PALM2AKAP2: variants seen among roughly 807,000 people sequenced by gnomAD.
The protein encoded by PALM2AKAP2 is PALM2 and AKAP2 fusion.
Under a neutral mutation model 71.5 loss-of-function variants are expected in PALM2AKAP2, and 37 were observed. The ratio of observed to expected loss-of-function variants is 0.52; its 90% CI spans 0.40 to 0.68. PALM2AKAP2 has a LOEUF of 0.68. Ranked by LOEUF, PALM2AKAP2 falls within the 30% of genes least tolerant of loss-of-function variation. The probability of loss-of-function intolerance (pLI) is 0.00; values close to 1 mark genes in which losing one functional copy is unlikely to be tolerated. For missense variants in PALM2AKAP2, 1,224 were observed against 1,191.8 expected (o/e 1.03, Z -0.40); for synonymous variants, 468 against 478.8 (o/e 0.98, Z 0.29).
At chr9:109,751,290 C>G (rs1353807375) in intron 1 of PALM2AKAP2, among the ~76,000 whole-genome samples, 1 of 152,166 alleles carries the variant, frequency 6.6e-6, no homozygotes, top group African/African-American at 2.4e-5. Context: ...TGCATTCGTT[C>G]TTGAAACATT....
rs139370927 is a variant in PALM2AKAP2, at chr9:110,013,061, T to A, written c.497-2893T>A. Among the ~76,000 whole-genome samples the A allele has an allele frequency of 3.9e-5, 6 of 152,360 alleles. No individual in the cohort carries two copies. The East Asian group carries it at 1.2e-3, about 29-fold the overall frequency. The stretch of plus-strand genomic sequence containing the variant: ...GCTTTCGTTGTCATGCATATGCAGT[T>A]GGCTGGGGCTTGGCTGATCTAGACC... On this transcript the variant is annotated intron_variant, in intron 6 of 9. Transcript: ENST00000302798.
chr9:109,794,911 A>G (rs991780493), intron 1 of PALM2AKAP2, among the ~76,000 whole-genome samples: 3 of 152,250 alleles, frequency 2.0e-5, no homozygotes, highest in African/African-American at 7.2e-5. Flanking sequence ...TGAAGTGGAC[A>G]GGGTTGTGGA....
At chr9:109,906,740 T>C (rs1246043283) in intron 3 of PALM2AKAP2, among the ~76,000 whole-genome samples, 1 of 152,246 alleles carries the variant, frequency 6.6e-6, no homozygotes, top group Non-Finnish European at 1.5e-5. Context: ...AAATCCGTTC[T>C]TTTCACATCT....
At chr9:110,103,852 A>C (rs531506781) in intron 1 of PALM2AKAP2, among the ~76,000 whole-genome samples, 1 of 152,312 alleles carries the variant, frequency 6.6e-6, no homozygotes, top group South Asian at 2.1e-4. Context: ...AACAGAGAGA[A>C]ATTCTTTGCT....
intron 1 of PALM2AKAP2, among the ~76,000 whole-genome samples, chr9:109,652,190 T>G (rs1018923525): frequency 2.6e-5 from 4 of 152,206 alleles, no homozygotes; most frequent in African/African-American, 9.7e-5. Flanking sequence ...TATAGTATTT[T>G]GATATAGTTT....
At chr9:109,814,928 A>G (rs894821293) in intron 1 of PALM2AKAP2, among the ~76,000 whole-genome samples, 7 of 152,182 alleles carry the variant, frequency 4.6e-5, no homozygotes, top group Non-Finnish European at 7.3e-5. Flanking sequence ...GGAATCTCTC[A>G]GGAAGTGATC....
At chr9:109,853,227 T>C (rs72753053) in intron 1 of PALM2AKAP2, among the ~76,000 whole-genome samples, 13,024 of 152,108 alleles carry the variant, frequency 0.086, 752 homozygotes, top group African/African-American at 0.16. Flanking sequence ...GAACTGCGCG[T>C]GGCACCTGTA....
At chr9:109,899,753 T>C (rs541839365) in intron 3 of PALM2AKAP2, among the ~76,000 whole-genome samples, 4 of 152,356 alleles carry the variant, frequency 2.6e-5, no homozygotes, top group African/African-American at 9.6e-5. Flanking sequence ...TCTTTGGATC[T>C]ACTGTCCCTT....
chr9:109,871,462 A>G (rs528052157), intron 2 of PALM2AKAP2, among the ~76,000 whole-genome samples: 21 of 152,298 alleles, frequency 1.4e-4, no homozygotes, highest in African/African-American at 5.0e-4. Flanking sequence ...CAATTTTTAT[A>G]GCTATATTAT....
chr9:110,148,944 A>G (rs1244348509), intron 2 of PALM2AKAP2, among the ~76,000 whole-genome samples: 1 of 152,202 alleles, frequency 6.6e-6, no homozygotes, highest in African/African-American at 2.4e-5. Context: ...TTGGACAGTC[A>G]GGGATGACAA....
At chr9:109,684,727 A>C (rs1229787303) in intron 1 of PALM2AKAP2, among the ~76,000 whole-genome samples, 6 of 152,232 alleles carry the variant, frequency 3.9e-5, no homozygotes, top group Admixed American at 3.9e-4. Flanking sequence ...ACAGATATAA[A>C]TCATTTTGTC....
chr9:109,681,922 C>A (rs1827742385), intron 1 of PALM2AKAP2, among the ~76,000 whole-genome samples: 1 of 152,150 alleles, frequency 6.6e-6, no homozygotes, highest in Non-Finnish European at 1.5e-5. Context: ...ATTCAGGTGA[C>A]TGGGTTTCTC....
chr9:109,953,785 A>G (rs1247601617), intron 6 of PALM2AKAP2, among the ~76,000 whole-genome samples: 2 of 146,486 alleles, frequency 1.4e-5, no homozygotes, highest in Non-Finnish European at 3.0e-5. Context: ...CAGTGAGCTG[A>G]GATCGCACCA....
chr9:109,794,265 G>GT (rs991564045), intron 1 of PALM2AKAP2, among the ~76,000 whole-genome samples: 3 of 152,024 alleles, frequency 2.0e-5, no homozygotes, highest in Admixed American at 2.0e-4. Context: ...TGTTGTTGTT[G>GT]TTTTTTGAAA....
chr9:109,657,869 C>G (rs1385432099), intron 1 of PALM2AKAP2, among the ~76,000 whole-genome samples: 1 of 150,812 alleles, frequency 6.6e-6, no homozygotes, highest in Non-Finnish European at 1.5e-5. Flanking sequence ...GCATGTCATC[C>G]CTGGGGAGAT....
chr9:110,142,015 A>T (rs1588133664), intron 2 of PALM2AKAP2, among the ~76,000 whole-genome samples: 1 of 150,086 alleles, frequency 6.7e-6, no homozygotes, highest in Non-Finnish European at 1.5e-5. Context: ...AAAAGGATAT[A>T]GTCATTGTTA....
chr9:110,156,813 C>G (rs1836470570), intron 3 of PALM2AKAP2, among the ~76,000 whole-genome samples: 1 of 152,172 alleles, frequency 6.6e-6, no homozygotes, highest in Non-Finnish European at 1.5e-5. Flanking sequence ...GAGAAGGTTG[C>G]AAGTGCCCTG....
chr9:109,894,438 C>T (rs919379161), intron 3 of PALM2AKAP2, among the ~76,000 whole-genome samples: 1 of 152,152 alleles, frequency 6.6e-6, no homozygotes, highest in Non-Finnish European at 1.5e-5. Context: ...GTGGCCAAAC[C>T]CAGTAATATT....
chr9:109,911,716 G>A lies in PALM2AKAP2; in HGVS notation c.258-12019G>A, dbSNP rs139718683. Among the ~76,000 whole-genome samples the A allele has an allele frequency of 1.1e-3, 166 of 152,318 alleles. 2 individuals are homozygous for A. In the East Asian group the frequency reaches 0.026, roughly 24 times the overall value. On this transcript the variant is annotated intron_variant, in intron 3 of 9. Transcript: ENST00000302798. ...ACATTCACTATAGAATCCTTTAGAA[G>A]CATGTTCTTGGGTAGCTTTGCTTTT...
Sources: gnomAD v4.1 joint callset for allele counts (sites outside exome capture counted in the v4.1 genomes callset) on GRCh38, gnomAD v4.1.1 for gene constraint, MANE v1.5 for transcripts, NCBI Gene and HGNC (gene_info 2026-07-23, HGNC 2026-07-21) for gene names.